Variants in LINGO2 observed in about 807,000 individuals in gnomAD.
The protein encoded by LINGO2 is leucine rich repeat and Ig domain containing 2.
Under a neutral mutation model 30.6 loss-of-function variants are expected in LINGO2, and 14 were observed. That is an observed-to-expected ratio of 0.46 (90% CI 0.30 to 0.72). The LOEUF (loss-of-function observed/expected upper bound fraction) is 0.72. Among genes scored for constraint, LINGO2 ranks in the 30% least tolerant of loss-of-function variants. The pLI is 0.07. For missense variants in LINGO2, 729 were observed against 751.7 expected (o/e 0.97, Z 0.35); for synonymous variants, 317 against 288.5 (o/e 1.10, Z -1.00).
chr9:28,041,394 C>T (rs1824191122), intron 4 of LINGO2, among the ~76,000 whole-genome samples: 1 of 152,076 alleles, frequency 6.6e-6, no homozygotes, highest in Non-Finnish European at 1.5e-5. Flanking sequence ...GAACTCTTTA[C>T]CTGTGTGCTT....
At chr9:28,491,840 C>T (rs78172844) in intron 1 of LINGO2, among the ~76,000 whole-genome samples, 11,060 of 152,164 alleles carry the variant, frequency 0.073, 427 homozygotes, top group Middle Eastern at 0.15. Flanking sequence ...CATGAGAATG[C>T]TTATACTATA....
intron 5 of LINGO2, among the ~76,000 whole-genome samples, chr9:27,966,365 A>G (rs141946102): frequency 1.6e-4 from 24 of 152,330 alleles, no homozygotes; most frequent in African/African-American, 5.5e-4. Context: ...ATGCCTCAAT[A>G]TACACCACGG....
chr9:28,031,567 C>G (rs1823673402), intron 4 of LINGO2, among the ~76,000 whole-genome samples: 1 of 152,114 alleles, frequency 6.6e-6, no homozygotes, highest in Admixed American at 6.5e-5. Flanking sequence ...TGCTGTGTGA[C>G]CTTAGCTACT....
chr9:28,963,098 A>G, the LINGO2 span, among the ~76,000 whole-genome samples: 1 of 152,002 alleles, frequency 6.6e-6, no homozygotes, highest in East Asian at 1.9e-4. Context: ...AGTGAAACTG[A>G]AATTTCCATT....
the LINGO2 span, among the ~76,000 whole-genome samples, chr9:29,129,568 G>C: frequency 6.6e-6 from 1 of 151,938 alleles, no homozygotes; most frequent in African/African-American, 2.4e-5. Flanking sequence ...AAAATTTAAG[G>C]TTACTAAGGA....
chr9:29,210,998 C>T, the LINGO2 span, among the ~76,000 whole-genome samples: 2,249 of 152,210 alleles, frequency 0.015, 77 homozygotes, highest in South Asian at 0.11. Flanking sequence ...ATATTTTTTG[C>T]CCTTTCAGTA....
At chr9:28,885,926 G>A in the LINGO2 span, among the ~76,000 whole-genome samples, 4 of 152,236 alleles carry the variant, frequency 2.6e-5, no homozygotes, top group East Asian at 3.9e-4. Flanking sequence ...TCCTAGAAGC[G>A]CCATTGAACT....
chr9:28,758,975 T>C, the LINGO2 span, among the ~76,000 whole-genome samples: 1 of 152,094 alleles, frequency 6.6e-6, no homozygotes, highest in South Asian at 2.1e-4. Flanking sequence ...TTGTTATCTT[T>C]ATAGAGCATG....
At chr9:28,805,527 C>T in the LINGO2 span, among the ~76,000 whole-genome samples, 1 of 152,166 alleles carries the variant, frequency 6.6e-6, no homozygotes, top group Non-Finnish European at 1.5e-5. Flanking sequence ...GTTTTGTATA[C>T]ATATTGGCCA....
At chr9:28,262,823 A>G (rs940750628) in intron 4 of LINGO2, among the ~76,000 whole-genome samples, 2 of 151,982 alleles carry the variant, frequency 1.3e-5, no homozygotes, top group Non-Finnish European at 2.9e-5. Flanking sequence ...ATTGAAGGCC[A>G]TGAACTTCAA....
the LINGO2 span, among the ~76,000 whole-genome samples, chr9:28,905,704 C>T: frequency 6.6e-6 from 1 of 151,996 alleles, no homozygotes; most frequent in Non-Finnish European, 1.5e-5. Flanking sequence ...TTTAACACTG[C>T]TGGTGGCAAT....
chr9:28,692,670 A>T, the LINGO2 span, among the ~76,000 whole-genome samples: 2 of 152,088 alleles, frequency 1.3e-5, no homozygotes, highest in Non-Finnish European at 2.9e-5. Flanking sequence ...CCATACAAGG[A>T]CTACATCAAA....
chr9:28,180,855 A>G (rs1203072879), intron 4 of LINGO2, among the ~76,000 whole-genome samples: 4 of 152,088 alleles, frequency 2.6e-5, no homozygotes, highest in Admixed American at 2.6e-4. Context: ...ACAGAAAGAA[A>G]TGTGCAGCAT....
chr9:28,638,349 G>T (rs188366003), intron 1 of LINGO2, among the ~76,000 whole-genome samples: 1 of 152,108 alleles, frequency 6.6e-6, no homozygotes, highest in Admixed American at 6.6e-5. Flanking sequence ...GAGTTAGGGA[G>T]GTTTCCCTAT....
At chr9:28,684,175 C>CTT in the LINGO2 span, among the ~76,000 whole-genome samples, 12,348 of 45,308 alleles carry the variant, frequency 0.27, 4,031 homozygotes, top group Non-Finnish European at 0.37. Flanking sequence ...AAATGTTTAT[C>CTT]TTTTTTTTTT....
chr9:28,516,929 C>T (rs577820319), intron 1 of LINGO2, among the ~76,000 whole-genome samples: 2 of 152,262 alleles, frequency 1.3e-5, no homozygotes, highest in South Asian at 4.1e-4. Context: ...GTGACAATGT[C>T]TATTTAGAGC....
chr9:28,440,921 G>T (rs368347294), intron 2 of LINGO2, among the ~76,000 whole-genome samples: 11 of 152,236 alleles, frequency 7.2e-5, no homozygotes, highest in African/African-American at 2.6e-4. Context: ...ATCTGTAAAA[G>T]TGTATATACA....
At chr9:29,152,350 C>A in the LINGO2 span, among the ~76,000 whole-genome samples, 1 of 152,244 alleles carries the variant, frequency 6.6e-6, no homozygotes, top group South Asian at 2.1e-4. Flanking sequence ...GCAAAAAAGA[C>A]ACATGCATTT....
chr9:28,368,717 C>G (rs1332762215), intron 3 of LINGO2, among the ~76,000 whole-genome samples: 5 of 151,914 alleles, frequency 3.3e-5, no homozygotes, highest in African/African-American at 1.2e-4. Context: ...CTGCCTCAGC[C>G]TCGCGAGTAG....
Sources: allele counts gnomAD v4.1 joint callset (sites outside exome capture counted in the v4.1 genomes callset), GRCh38; gene constraint gnomAD v4.1.1; transcripts MANE v1.5; gene names NCBI Gene and HGNC (gene_info 2026-07-23, HGNC 2026-07-21).